The following KCNG3 variants were observed in gnomAD, a reference collection of about 807,000 sequenced individuals.
KCNG3 encodes potassium voltage-gated channel modifier subfamily G member 3.
In KCNG3, 15 loss-of-function variants were observed where a neutral mutation model predicts 29.0. That is an observed-to-expected ratio of 0.52 (90% CI 0.35 to 0.80). The LOEUF is 0.80. KCNG3 is among the 30% of genes least tolerant of loss of function. The pLI, the probability that KCNG3 is intolerant of heterozygous loss-of-function variation, is 0.01. For missense variants in KCNG3, 512 were observed against 605.7 expected (o/e 0.85, Z 1.62); for synonymous variants, 322 against 248.9 (o/e 1.29, Z -2.76).
At chr2:42,447,575 G>A (rs1672631792) in intron 1 of KCNG3, among the ~76,000 whole-genome samples, 1 of 151,882 alleles carries the variant, frequency 6.6e-6, no homozygotes, top group Non-Finnish European at 1.5e-5. Context: ...GAGTGCAGTG[G>A]CACCATCACA....
At chr2:42,441,803 T>TATATATAAAATATATACAA (rs1672492631), downstream of KCNG3, among the ~76,000 whole-genome samples, 1 of 150,812 alleles carries the variant, frequency 6.6e-6, no homozygotes, top group Non-Finnish European at 1.5e-5. Context: ...GGTGTGTGTG[T>TATATATAAAATATATACAA]ATATATATAC....
intron 1 of KCNG3, among the ~76,000 whole-genome samples, chr2:42,472,885 C>A (rs1219160369): frequency 8.0e-6 from 1 of 124,430 alleles, no homozygotes; most frequent in Non-Finnish European, 1.7e-5. Context: ...ATAGATCTAT[C>A]GATAGATATA....
the KCNG3 span, among the ~76,000 whole-genome samples, chr2:42,392,364 G>A: frequency 1.7e-4 from 26 of 152,108 alleles, no homozygotes; most frequent in Non-Finnish European, 2.4e-4. Flanking sequence ...TGAAACTTTG[G>A]GATCTCCTTC....
chr2:42,453,803 T>C (rs1255069040), intron 1 of KCNG3, among the ~76,000 whole-genome samples: 1 of 152,166 alleles, frequency 6.6e-6, no homozygotes, highest in Non-Finnish European at 1.5e-5. Context: ...TCCTGGAGAT[T>C]TTCCCCAATG....
intron 1 of KCNG3, among the ~76,000 whole-genome samples, chr2:42,487,821 C>A (rs1046235581): frequency 9.2e-5 from 14 of 152,120 alleles, no homozygotes; most frequent in African/African-American, 3.1e-4. Context: ...ACAGGATAAT[C>A]ACTGCAGCGT....
At chr2:42,473,374 C>T (rs1430447172) in intron 1 of KCNG3, among the ~76,000 whole-genome samples, 1 of 150,104 alleles carries the variant, frequency 6.7e-6, no homozygotes, top group Non-Finnish European at 1.5e-5. Context: ...TTTTTTGAGA[C>T]AGTCTCACTC....
At chr2:42,462,835 T>C (rs900345277) in intron 1 of KCNG3, among the ~76,000 whole-genome samples, 1 of 152,186 alleles carries the variant, frequency 6.6e-6, no homozygotes, top group African/African-American at 2.4e-5. Context: ...AATACAAATT[T>C]ACAAAGTGCC....
chr2:42,486,244 C>G (rs777519837), intron 1 of KCNG3, among the ~76,000 whole-genome samples: 22 of 152,198 alleles, frequency 1.4e-4, no homozygotes, highest in Non-Finnish European at 2.2e-4. Context: ...CATACACTCT[C>G]CTAGTCCTGG....
chr2:42,463,296 G>C, intron 1 of KCNG3: 1 of 198,454 alleles, frequency 5.0e-6, no homozygotes. Context: ...CAAGAAGCAG[G>C]CATCAGGGTC....
the KCNG3 span, among the ~76,000 whole-genome samples, chr2:42,427,922 A>C: frequency 6.6e-6 from 1 of 152,204 alleles, no homozygotes; most frequent in African/African-American, 2.4e-5. Context: ...GTACATTAAC[A>C]TGTAAGCCAT....
At chr2:42,454,154 T>C (rs1039142014) in intron 1 of KCNG3, among the ~76,000 whole-genome samples, 2 of 150,410 alleles carry the variant, frequency 1.3e-5, no homozygotes, top group Admixed American at 6.6e-5. Flanking sequence ...GTTGGTAGGA[T>C]TGTAAAAGGG....
chr2:42,445,531 G>A (rs1304717838), intron 1 of KCNG3, among the ~76,000 whole-genome samples: 2 of 152,078 alleles, frequency 1.3e-5, no homozygotes, highest in Non-Finnish European at 2.9e-5. Context: ...CGAGGCCGAG[G>A]ACTCCCACAT....
At chr2:42,423,280 T>A in the KCNG3 span, among the ~76,000 whole-genome samples, 5 of 152,194 alleles carry the variant, frequency 3.3e-5, no homozygotes, top group Non-Finnish European at 5.9e-5. Flanking sequence ...CCCTAATGGG[T>A]CCCACTGTCC....
the KCNG3 span, among the ~76,000 whole-genome samples, chr2:42,414,614 T>C: frequency 6.6e-6 from 1 of 152,092 alleles, no homozygotes; most frequent in African/African-American, 2.4e-5. Context: ...ACCTGACAAT[T>C]TGTGCCCTTT....
intron 1 of KCNG3, among the ~76,000 whole-genome samples, chr2:42,476,009 T>G (rs1400253029): frequency 6.6e-6 from 1 of 152,180 alleles, no homozygotes; most frequent in Non-Finnish European, 1.5e-5. Context: ...GAGGTTGCAG[T>G]GAGCCAAGAT....
intron 1 of KCNG3, among the ~76,000 whole-genome samples, chr2:42,474,391 G>A (rs1193609899): frequency 6.6e-6 from 1 of 151,756 alleles, no homozygotes; most frequent in Admixed American, 6.6e-5. Context: ...AGCTGGGCAT[G>A]GTGACGCATG....
chr2:42,466,207 A>G (rs1673137515), intron 1 of KCNG3, among the ~76,000 whole-genome samples: 1 of 152,180 alleles, frequency 6.6e-6, no homozygotes, highest in Admixed American at 6.6e-5. Context: ...GGAGTTCGAG[A>G]CCAGCCTGGT....
At chr2:42,403,617 TTTTC>T in the KCNG3 span, among the ~76,000 whole-genome samples, 1 of 136,230 alleles carries the variant, frequency 7.3e-6, no homozygotes, top group Non-Finnish European at 1.6e-5. Context: ...CGTGACTTTT[TTTTC>T]TTTTTTTTTT....
chr2:42,456,127 C>G (rs78857089), intron 1 of KCNG3, among the ~76,000 whole-genome samples: 6,144 of 151,934 alleles, frequency 0.04, 372 homozygotes, highest in African/African-American at 0.13. Context: ...ACAGTTTTGG[C>G]AGGGAAAAAT....
Sources: allele counts gnomAD v4.1 joint callset (sites outside exome capture counted in the v4.1 genomes callset), GRCh38; gene constraint gnomAD v4.1.1; transcripts MANE v1.5; gene names NCBI Gene and HGNC (gene_info 2026-07-23, HGNC 2026-07-21).